CALN1: variants seen among roughly 807,000 people sequenced by gnomAD.
CALN1 encodes calcium-binding protein 8.
CALN1 carries 17 observed loss-of-function variants against 30.6 expected under a neutral mutation model. The ratio of observed to expected loss-of-function variants is 0.56; its 90% confidence interval spans 0.38 to 0.83. The LOEUF (loss-of-function observed/expected upper bound fraction) is 0.83. Ranked by LOEUF, CALN1 falls within the 40% of genes least tolerant of loss-of-function variation. The probability of loss-of-function intolerance (pLI) is 0.00; values close to 1 mark genes in which losing one functional copy is unlikely to be tolerated. For synonymous variants in CALN1, 156 were observed against 131.4 expected, an observed-to-expected ratio of 1.19 and a Z score of -1.28; for missense variants, 291 against 354.9, an observed-to-expected ratio of 0.82 and a Z score of 1.45.
intron 2 of CALN1, among the ~76,000 whole-genome samples, chr7:72,394,064 T>G (rs1276544854): frequency 3.9e-5 from 6 of 152,192 alleles, no homozygotes; most frequent in African/African-American, 1.2e-4. Flanking sequence ...GATGAAAAAG[T>G]GATCAGAATT....
chr7:72,253,366 T>C (rs1795694245), intron 3 of CALN1, among the ~76,000 whole-genome samples: 1 of 152,220 alleles, frequency 6.6e-6, no homozygotes, highest in African/African-American at 2.4e-5. Flanking sequence ...GATTCTGAGA[T>C]AACAATTCCC....
chr7:72,309,896 A>T (rs1799925555), intron 2 of CALN1, among the ~76,000 whole-genome samples: 1 of 152,190 alleles, frequency 6.6e-6, no homozygotes, highest in Non-Finnish European at 1.5e-5. Flanking sequence ...CTTCAAGGCT[A>T]TCCAGGGCCA....
At chr7:72,007,912 A>G (rs529294351) in intron 5 of CALN1, among the ~76,000 whole-genome samples, 137 of 152,310 alleles carry the variant, frequency 9.0e-4, no homozygotes, top group Middle Eastern at 3.4e-3. Context: ...GAATGAATCA[A>G]TCAAATAATG....
At chr7:71,996,364 T>A (rs962756561) in intron 5 of CALN1, among the ~76,000 whole-genome samples, 3 of 152,186 alleles carry the variant, frequency 2.0e-5, no homozygotes, top group South Asian at 2.1e-4. Flanking sequence ...GAGTCAGACA[T>A]TGAAATCATC....
At chr7:72,329,064 A>G (rs935690489) in intron 2 of CALN1, among the ~76,000 whole-genome samples, 4 of 152,372 alleles carry the variant, frequency 2.6e-5, no homozygotes, top group African/African-American at 9.6e-5. Context: ...AAACCATAAA[A>G]TCATTCATAA....
intron 4 of CALN1, among the ~76,000 whole-genome samples, chr7:72,096,859 CAT>C (rs1254751078): frequency 6.6e-6 from 1 of 152,162 alleles, no homozygotes; most frequent in Non-Finnish European, 1.5e-5. Flanking sequence ...CACATGCACA[CAT>C]ATGTTTATTG....
intron 2 of CALN1, among the ~76,000 whole-genome samples, chr7:72,378,391 C>T (rs7801287): frequency 0.38 from 57,859 of 151,988 alleles, 11,702 homozygotes; most frequent in Admixed American, 0.45. Context: ...TGAATAAGTG[C>T]TTCCTGGGTT....
intron 1 of CALN1, among the ~76,000 whole-genome samples, chr7:72,405,617 C>A (rs1338685284): frequency 6.6e-6 from 1 of 152,156 alleles, no homozygotes; most frequent in African/African-American, 2.4e-5. Flanking sequence ...ACAACGCCCA[C>A]TTCCCCACAC....
At chr7:72,090,107 G>A (rs1051095079) in intron 4 of CALN1, among the ~76,000 whole-genome samples, 4 of 152,120 alleles carry the variant, frequency 2.6e-5, no homozygotes, top group East Asian at 1.9e-4. Flanking sequence ...AGACTAGCCC[G>A]GCCAACATGG....
intron 5 of CALN1, among the ~76,000 whole-genome samples, chr7:71,875,314 T>C (rs990170404): frequency 6.6e-6 from 1 of 151,730 alleles, no homozygotes; most frequent in African/African-American, 2.4e-5. Flanking sequence ...GAAGTATGGG[T>C]CACACCCAAG....
At chr7:72,372,312 T>G (rs1230422653) in intron 2 of CALN1, among the ~76,000 whole-genome samples, 1 of 152,030 alleles carries the variant, frequency 6.6e-6, no homozygotes, top group East Asian at 1.9e-4. Context: ...CCCAAATGGA[T>G]GGGAAAAACT....
intron 5 of CALN1, among the ~76,000 whole-genome samples, chr7:72,001,720 T>G (rs1479348666): frequency 6.6e-6 from 1 of 152,072 alleles, no homozygotes; most frequent in Non-Finnish European, 1.5e-5. Context: ...TCTCTCACTC[T>G]GCCTTATGCC....
chr7:72,286,982 G>A (rs1262676460), intron 2 of CALN1, among the ~76,000 whole-genome samples: 1 of 152,082 alleles, frequency 6.6e-6, no homozygotes, highest in African/African-American at 2.4e-5. Context: ...GAGGTAAGCC[G>A]GTTTGGAAAA....
At chr7:72,186,866 T>A (rs1202339849) in intron 3 of CALN1, among the ~76,000 whole-genome samples, 1 of 142,788 alleles carries the variant, frequency 7.0e-6, no homozygotes. Context: ...AGTGCTGCAA[T>A]AAACATATGA....
At chr7:72,309,550 C>T (rs536961902) in intron 2 of CALN1, among the ~76,000 whole-genome samples, 1 of 152,178 alleles carries the variant, frequency 6.6e-6, no homozygotes, top group South Asian at 2.1e-4. Context: ...GGAACGGCAA[C>T]ATGCGTGACC....
At chr7:72,330,269 G>A (rs1475365628) in intron 2 of CALN1, among the ~76,000 whole-genome samples, 1 of 151,980 alleles carries the variant, frequency 6.6e-6, no homozygotes, top group African/African-American at 2.4e-5. Context: ...CTCCAGCCTG[G>A]GTGACACAGT....
chr7:71,905,678 G>A (rs1794094943), intron 5 of CALN1, among the ~76,000 whole-genome samples: 1 of 152,026 alleles, frequency 6.6e-6, no homozygotes, highest in South Asian at 2.1e-4. Flanking sequence ...GGCCTGACAT[G>A]TCAGTAAAAT....
At chr7:72,342,002 G>C (rs751770613) in intron 2 of CALN1, among the ~76,000 whole-genome samples, 40 of 151,934 alleles carry the variant, frequency 2.6e-4, no homozygotes, top group Non-Finnish European at 4.3e-4. Context: ...TTGTAATACC[G>C]ATACTTTGGA....
chr7:72,499,109 C>T, the CALN1 span, among the ~76,000 whole-genome samples: 1 of 152,160 alleles, frequency 6.6e-6, no homozygotes, highest in Non-Finnish European at 1.5e-5. Flanking sequence ...CAGCTCACTG[C>T]AACCTCCACC....
Sources: gnomAD v4.1 joint callset for allele counts (sites outside exome capture counted in the v4.1 genomes callset) on GRCh38, gnomAD v4.1.1 for gene constraint, MANE v1.5 for transcripts, NCBI Gene and HGNC (gene_info 2026-07-23, HGNC 2026-07-21) for gene names.